Variants in LRRC4C observed in about 807,000 individuals in gnomAD.
LRRC4C encodes the protein leucine-rich repeat-containing protein 4C.
In LRRC4C, 5 loss-of-function variants were observed where a neutral mutation model predicts 33.6. That is an observed-to-expected ratio of 0.15 (90% CI 0.08 to 0.31). The LOEUF (loss-of-function observed/expected upper bound fraction) is 0.31. LRRC4C is among the 10% of genes least tolerant of loss of function. LRRC4C has a pLI of 1.00. For missense variants in LRRC4C, 560 were observed against 796.7 expected (o/e 0.70, Z 3.58); for synonymous variants, 329 against 302.0 (o/e 1.09, Z -0.93).
At chr11:40,645,746 A>G (rs1212738957) in intron 3 of LRRC4C, among the ~76,000 whole-genome samples, 1 of 152,050 alleles carries the variant, frequency 6.6e-6, no homozygotes, top group Non-Finnish European at 1.5e-5. Context: ...ATCCCCCACA[A>G]AATTCTGCAT....
intron 3 of LRRC4C, among the ~76,000 whole-genome samples, chr11:40,557,789 A>G (rs780429029): frequency 6.6e-6 from 1 of 152,120 alleles, no homozygotes; most frequent in Non-Finnish European, 1.5e-5. Flanking sequence ...AGATAAATAA[A>G]GCAGAGAAGT....
chr11:40,602,523 G>A (rs1224060574), intron 3 of LRRC4C, among the ~76,000 whole-genome samples: 6 of 151,522 alleles, frequency 4.0e-5, no homozygotes, highest in Non-Finnish European at 5.9e-5. Flanking sequence ...AATGTTCTAT[G>A]TTATCACAAT....
intron 2 of LRRC4C, among the ~76,000 whole-genome samples, chr11:40,878,850 C>T (rs544577013): frequency 1.3e-5 from 2 of 152,214 alleles, no homozygotes; most frequent in Admixed American, 6.5e-5. Flanking sequence ...ATTAGAGATG[C>T]TATTTGCTTA....
chr11:41,414,983 T>G (rs1353825738), intron 1 of LRRC4C, among the ~76,000 whole-genome samples: 1 of 152,134 alleles, frequency 6.6e-6, no homozygotes, highest in African/African-American at 2.4e-5. Flanking sequence ...TTCAAAGCAC[T>G]TTACAAACAT....
At chr11:40,402,301 T>G (rs2137554554) in intron 3 of LRRC4C, among the ~76,000 whole-genome samples, 1 of 152,282 alleles carries the variant, frequency 6.6e-6, no homozygotes, top group Middle Eastern at 3.4e-3. Flanking sequence ...ATTCCAGATA[T>G]TTTAATCAGT....
At chr11:40,591,949 C>A (rs1167043614) in intron 3 of LRRC4C, among the ~76,000 whole-genome samples, 1 of 152,170 alleles carries the variant, frequency 6.6e-6, no homozygotes, top group Non-Finnish European at 1.5e-5. Flanking sequence ...TTGCGTCTAT[C>A]CTATAAAAGT....
Position 40,745,356 on chromosome 11 carries a change from G to C in LRRC4C, c.-406-97078C>G, listed in dbSNP as rs558938735. Among the ~76,000 whole-genome samples the C allele has an allele frequency of 2.6e-5, 4 of 152,204 alleles. No individual in the cohort carries two copies. The South Asian group carries it at 8.3e-4, about 32-fold the overall frequency. ...TTCAAAACAGAGAATGACAGACAATGAGAGAGAAAGTTAAAAATATATATT... is the reference window on the plus strand; with the variant it reads ...TTCAAAACAGAGAATGACAGACAATCAGAGAGAAAGTTAAAAATATATATT... On this transcript the variant is annotated intron_variant, in intron 2 of 6. Coordinates refer to ENST00000528697, the MANE Select transcript of LRRC4C (RefSeq NM_001258419.2).
chr11:40,524,520 G>A (rs1955957603), intron 3 of LRRC4C, among the ~76,000 whole-genome samples: 1 of 151,884 alleles, frequency 6.6e-6, no homozygotes. Flanking sequence ...AAAAATGTTT[G>A]GAAAATTAAA....
intron 5 of LRRC4C, among the ~76,000 whole-genome samples, chr11:40,206,584 G>T (rs1028829077): frequency 1.3e-5 from 2 of 152,106 alleles, no homozygotes; most frequent in African/African-American, 4.8e-5. Context: ...TTCAATGCAG[G>T]ATGTGGAAAA....
At chr11:40,251,392 G>A (rs988756176) in intron 4 of LRRC4C, among the ~76,000 whole-genome samples, 3 of 152,090 alleles carry the variant, frequency 2.0e-5, no homozygotes, top group Non-Finnish European at 4.4e-5. Flanking sequence ...GGTACAAGGA[G>A]CACCTTCGAG....
At chr11:41,195,771 TAATC>T (rs1946153481) in intron 1 of LRRC4C, among the ~76,000 whole-genome samples, 1 of 152,146 alleles carries the variant, frequency 6.6e-6, no homozygotes, top group Admixed American at 6.6e-5. Flanking sequence ...AAGTTTTTTT[TAATC>T]AATAAATCTC....
intron 1 of LRRC4C, among the ~76,000 whole-genome samples, chr11:41,456,660 C>A (rs970830343): frequency 6.6e-6 from 1 of 152,094 alleles, no homozygotes; most frequent in Non-Finnish European, 1.5e-5. Context: ...TTCTAGGGAA[C>A]TTTAGCCTTT....
At chr11:40,427,357 T>A (rs151140490) in intron 3 of LRRC4C, among the ~76,000 whole-genome samples, 1,662 of 151,642 alleles carry the variant, frequency 0.011, 30 homozygotes, top group African/African-American at 0.037. Context: ...TACAAAAAAA[T>A]TTAGCCAGGC....
chr11:40,291,107 G>A (rs1429135684), intron 4 of LRRC4C, among the ~76,000 whole-genome samples: 4 of 152,012 alleles, frequency 2.6e-5, no homozygotes, highest in Admixed American at 1.3e-4. Flanking sequence ...GAGTCTTCTG[G>A]CTCGAAAGTT....
intron 1 of LRRC4C, among the ~76,000 whole-genome samples, chr11:41,305,208 G>A (rs1950457511): frequency 2.0e-5 from 1 of 50,096 alleles, no homozygotes; most frequent in African/African-American, 5.4e-5. Context: ...CCGGCCAGCC[G>A]CCCCGTCCGG....
chr11:40,286,017 C>A (rs1237399222), intron 4 of LRRC4C, among the ~76,000 whole-genome samples: 1 of 152,082 alleles, frequency 6.6e-6, no homozygotes, highest in Non-Finnish European at 1.5e-5. Flanking sequence ...TGGTGCATAT[C>A]AAATGCTCAA....
chr11:40,837,465 GA>G (rs1219959698), intron 2 of LRRC4C, among the ~76,000 whole-genome samples: 1 of 152,016 alleles, frequency 6.6e-6, no homozygotes, highest in African/African-American at 2.4e-5. Flanking sequence ...AGCAAAAGCT[GA>G]AAAAATATTT....
At chr11:40,875,317 A>T (rs1954834199) in intron 2 of LRRC4C, among the ~76,000 whole-genome samples, 1 of 152,204 alleles carries the variant, frequency 6.6e-6, no homozygotes, top group Admixed American at 6.5e-5. Context: ...CTTCTGATCT[A>T]TTGGGAACAT....
At chr11:40,381,740 G>A (rs1948875108) in intron 3 of LRRC4C, among the ~76,000 whole-genome samples, 3 of 151,716 alleles carry the variant, frequency 2.0e-5, no homozygotes, top group Non-Finnish European at 4.4e-5. Context: ...TATATCATTG[G>A]CCAAGCATAA....
Sources: gnomAD v4.1 joint callset for allele counts (sites outside exome capture counted in the v4.1 genomes callset) on GRCh38, gnomAD v4.1.1 for gene constraint, MANE v1.5 for transcripts, NCBI Gene and HGNC (gene_info 2026-07-23, HGNC 2026-07-21) for gene names.